The following KRABD3 variants were observed in gnomAD, a reference collection of about 807,000 sequenced individuals.
KRABD3 encodes KRAB domain containing 3, also known as KRAB domain-containing protein 3.
At chr7:149,724,218 G>A in the KRABD3 span, among the ~76,000 whole-genome samples, 3 of 152,158 alleles carry the variant, frequency 2.0e-5, no homozygotes, top group Non-Finnish European at 4.4e-5. Flanking sequence ...GGGGTCCTGT[G>A]TGTTTGGGTC....
At chr7:149,730,207 C>G in the KRABD3 span, 1 of 1,574,488 alleles carries the variant, frequency 6.4e-7, no homozygotes, top group African/African-American at 1.3e-5. Context: ...GGGATCTTGC[C>G]TGTAAGGCCC....
the KRABD3 span, chr7:149,725,493 A>T: frequency 6.3e-7 from 1 of 1,598,018 alleles, no homozygotes; most frequent in Non-Finnish European, 8.5e-7. Flanking sequence ...GTGAAGGTAG[A>T]TTGTGGCCAT....
At chr7:149,721,361 TCTCC>T in the KRABD3 span, 1 of 1,567,924 alleles carries the variant, frequency 6.4e-7, no homozygotes, top group Non-Finnish European at 8.6e-7. Flanking sequence ...AGTTGTTGAT[TCTCC>T]CTCTTTCCCG....
At chr7:149,729,349 G>A in the KRABD3 span, 17 of 1,532,654 alleles carry the variant, frequency 1.1e-5, no homozygotes, top group Admixed American at 8.5e-5. Context: ...CAGGCCAGGA[G>A]TGTGGAGGTG....
the KRABD3 span, chr7:149,721,710 GGTGTAACCACCAAAGAGGA>G: frequency 1.3e-6 from 1 of 794,134 alleles, no homozygotes; most frequent in East Asian, 2.7e-5. Context: ...TTTAGCCTCT[GGTGTAACCACCAAAGAGGA>G]GGCATGATGC....
chr7:149,723,327 G>T, the KRABD3 span, among the ~76,000 whole-genome samples: 284 of 152,332 alleles, frequency 1.9e-3, 2 homozygotes, highest in African/African-American at 6.6e-3. Context: ...AGTCAGACCC[G>T]GAGAGGCTCC....
the KRABD3 span, chr7:149,731,544 TTTCCGTC>T: frequency 1.3e-6 from 1 of 795,740 alleles, no homozygotes. Context: ...ATGGGCCAAG[TTTCCGTC>T]TTCTATCTCA....
chr7:149,728,489 G>A, the KRABD3 span: 2 of 1,608,010 alleles, frequency 1.2e-6, no homozygotes, highest in Non-Finnish European at 8.5e-7. Context: ...TTGAGCTACA[G>A]TCCCCCTCAT....
the KRABD3 span, chr7:149,722,603 G>A: frequency 1.0e-3 from 1,583 of 1,571,308 alleles, 11 homozygotes; most frequent in African/African-American, 0.018. Flanking sequence ...AGTGTGTTTA[G>A]TTCACACGAG....
the KRABD3 span, among the ~76,000 whole-genome samples, chr7:149,718,943 A>G: frequency 6.6e-6 from 1 of 152,182 alleles, no homozygotes; most frequent in Non-Finnish European, 1.5e-5. Context: ...TGGTGACCCA[A>G]AGCTTCCAAG....
the KRABD3 span, among the ~76,000 whole-genome samples, chr7:149,728,892 C>G: frequency 6.6e-6 from 1 of 152,212 alleles, no homozygotes; most frequent in Admixed American, 6.5e-5. Flanking sequence ...TTCCACCATC[C>G]CAGCTGGAGC....
chr7:149,724,334 T>G, the KRABD3 span, among the ~76,000 whole-genome samples: 2 of 152,154 alleles, frequency 1.3e-5, no homozygotes, highest in African/African-American at 4.8e-5. Context: ...GCTTGTTAGC[T>G]TCTCAGAACA....
chr7:149,723,969 C>A, the KRABD3 span: 1 of 1,468,408 alleles, frequency 6.8e-7, no homozygotes, highest in Non-Finnish European at 9.3e-7. Flanking sequence ...AGGTGGCCCC[C>A]ACCACAAACA....
chr7:149,723,451 C>A, the KRABD3 span: 1 of 452,660 alleles, frequency 2.2e-6, no homozygotes, highest in Non-Finnish European at 4.0e-6. Flanking sequence ...TTCAGGACCC[C>A]AGAGCTGTCT....
chr7:149,719,978 C>T, the KRABD3 span: 1 of 1,533,320 alleles, frequency 6.5e-7, no homozygotes, highest in East Asian at 2.5e-5. The surrounding 1 kb of genome is among the most constrained non-coding windows in gnomAD (Gnocchi z 5.6). Flanking sequence ...CACTCCATTC[C>T]CAGGGCCACA....
the KRABD3 span, among the ~76,000 whole-genome samples, chr7:149,726,836 C>T: frequency 6.6e-6 from 1 of 152,150 alleles, no homozygotes; most frequent in East Asian, 1.9e-4. Context: ...TGAGCCCCAG[C>T]GTTTGAGGCT....
the KRABD3 span, chr7:149,734,428 TC>T: frequency 4.9e-6 from 1 of 203,608 alleles, no homozygotes; most frequent in African/African-American, 2.3e-5. Flanking sequence ...CACCAGCCGT[TC>T]CTGATCTCAG....
the KRABD3 span, among the ~76,000 whole-genome samples, chr7:149,732,117 C>T: frequency 6.6e-6 from 1 of 152,210 alleles, no homozygotes; most frequent in Non-Finnish European, 1.5e-5. This position sits in a 1 kb window ranked among gnomAD's most constrained non-coding sequence, Gnocchi z 4.0. Flanking sequence ...CCCCTACGGA[C>T]TCATGGTGGA....
the KRABD3 span, chr7:149,723,473 C>T: frequency 2.0e-6 from 1 of 490,716 alleles, no homozygotes; most frequent in South Asian, 3.1e-5. Flanking sequence ...AAACAGTGAC[C>T]CTGACAGCCC....
Sources: allele counts gnomAD v4.1 joint callset (sites outside exome capture counted in the v4.1 genomes callset), GRCh38; gene constraint gnomAD v4.1.1; non-coding constraint Gnocchi (gnomAD v3.1); transcripts MANE v1.5; gene names NCBI Gene and HGNC (gene_info 2026-07-23, HGNC 2026-07-21).